The following CDC42SE2 variants were observed in gnomAD, a reference collection of about 807,000 sequenced individuals.
CDC42SE2 encodes CDC42 small effector protein 2.
Under a neutral mutation model 11.5 loss-of-function variants are expected in CDC42SE2, and 3 were observed. The ratio of observed to expected loss-of-function variants is 0.26; its 90% CI spans 0.12 to 0.67. The LOEUF (loss-of-function observed/expected upper bound fraction) is 0.67. CDC42SE2 is among the 30% of genes least tolerant of loss of function. CDC42SE2 has a pLI of 0.80. For synonymous variants in CDC42SE2, 33 were observed against 34.8 expected (o/e 0.95, Z 0.18); for missense variants, 82 against 106.8 (o/e 0.77, Z 1.02).
At chr5:131,373,679 C>T (rs955904131) in intron 3 of CDC42SE2, among the ~76,000 whole-genome samples, 3 of 151,914 alleles carry the variant, frequency 2.0e-5, no homozygotes, top group Non-Finnish European at 2.9e-5. Context: ...TAAAAGAACT[C>T]GGAAGAAATA....
chr5:131,394,049 T>C lies in CDC42SE2; in HGVS notation c.*2958T>C, dbSNP rs1388597266. 1 of 152,316 alleles carries C rather than the reference T, an allele frequency of 6.6e-6. No individual in the cohort carries two copies. Among genetic ancestry groups the C allele is most frequent in the Non-Finnish European group, 1.5e-5 (1 of 68,030 alleles). The allele number at this position is 152,316 out of a possible 1,614,324, so 9.4% of individuals were successfully genotyped here. ...ACAAAAAAAGATACGGTATTAACCT[T>C]GGACATAATTTTTTTTAGGGAGGCA... On this transcript the variant is annotated 3_prime_UTR_variant, in exon 5 of 5. Coordinates refer to ENST00000505065, the MANE Select transcript of CDC42SE2 (RefSeq NM_001375635.1).
intron 1 of CDC42SE2, among the ~76,000 whole-genome samples, chr5:131,286,902 C>G (rs1282733891): frequency 6.6e-6 from 1 of 151,752 alleles, no homozygotes; most frequent in African/African-American, 2.4e-5. Flanking sequence ...TCAAAAGTTA[C>G]TTGCAGATTT....
At position 131,299,609 on chromosome 5, in the gene CDC42SE2, A is replaced by G. The variant is rs560710413; in HGVS notation, c.-454-16367A>G. ...GTTCAGTAAAGTTTGAAGCAGAGGT[A>G]GCACATCCTGTGGAGCTGCACTACA... On this transcript the variant is annotated intron_variant, in intron 1 of 4. Coordinates refer to ENST00000505065, the MANE Select transcript of CDC42SE2 (RefSeq NM_001375635.1). Among the ~76,000 whole-genome samples the G allele has an allele frequency of 7.4e-4, 113 of 152,366 alleles. 1 individual carries two copies. The highest frequency in any genetic ancestry group is 2.1e-3 in the Admixed American group (32 of 15,308).
chr5:131,365,895 T>C (rs879741051), intron 3 of CDC42SE2, among the ~76,000 whole-genome samples: 20 of 152,146 alleles, frequency 1.3e-4, no homozygotes, highest in Admixed American at 1.1e-3. Context: ...GGCAGGAGAA[T>C]GGTGTGAACC....
chr5:131,283,675 T>G (rs1463991983), intron 1 of CDC42SE2, among the ~76,000 whole-genome samples: 1 of 152,030 alleles, frequency 6.6e-6, no homozygotes, highest in Non-Finnish European at 1.5e-5. Context: ...GTATTTTTAA[T>G]GGAGACGAGG....
the CDC42SE2 span, among the ~76,000 whole-genome samples, chr5:131,234,637 A>G: frequency 3.5e-5 from 5 of 144,208 alleles, no homozygotes; most frequent in East Asian, 9.7e-4. Flanking sequence ...CTCTGTCTCA[A>G]AAAAAAAAAA....
intron 2 of CDC42SE2, among the ~76,000 whole-genome samples, chr5:131,324,645 A>G (rs940057084): frequency 2.0e-5 from 3 of 152,030 alleles, no homozygotes; most frequent in South Asian, 2.1e-4. Context: ...TAAGACCAAT[A>G]CTTTCTTTGG....
intron 1 of CDC42SE2, among the ~76,000 whole-genome samples, chr5:131,249,075 T>C (rs1402199471): frequency 6.4e-4 from 93 of 146,358 alleles, no homozygotes; most frequent in Non-Finnish European, 7.4e-5. Context: ...TGGAGTGCAG[T>C]GGTGCAGTCT....
chr5:131,292,410 A>G (rs78623258), intron 1 of CDC42SE2, among the ~76,000 whole-genome samples: 24,894 of 150,132 alleles, frequency 0.17, 2,506 homozygotes, highest in East Asian at 0.42. Context: ...TCTACTAAAA[A>G]TACAAAAATT....
At chr5:131,228,523 G>C in the CDC42SE2 span, among the ~76,000 whole-genome samples, 1 of 152,162 alleles carries the variant, frequency 6.6e-6, no homozygotes, top group Admixed American at 6.5e-5. Context: ...GTTACTCAAG[G>C]CTCTGTTCCC....
chr5:131,383,285 A>G (rs1750377054), intron 3 of CDC42SE2, among the ~76,000 whole-genome samples: 1 of 152,234 alleles, frequency 6.6e-6, no homozygotes, highest in African/African-American at 2.4e-5. Flanking sequence ...GCATTGTGCT[A>G]GGAAATAGAA....
In CDC42SE2 at chr5:131,264,993, T is replaced by C. The variant is rs1203541331; in HGVS notation, c.-455+827T>C. Among the ~76,000 whole-genome samples the C allele has an allele frequency of 5.3e-5, 8 of 152,342 alleles. No homozygotes were observed. The South Asian group carries it at 1.2e-3, about 24-fold the overall frequency. ...GTTGAAGGGCCTGGCTTATAGTACGTGCTCAGTAAAGTATTTGTTGAATGA... is the reference window on the plus strand; with the variant it reads ...GTTGAAGGGCCTGGCTTATAGTACGCGCTCAGTAAAGTATTTGTTGAATGA... On this transcript the variant is annotated intron_variant, in intron 1 of 4. Coordinates refer to ENST00000505065, the MANE Select transcript of CDC42SE2 (RefSeq NM_001375635.1).
the CDC42SE2 span, among the ~76,000 whole-genome samples, chr5:131,210,910 C>T: frequency 2.6e-5 from 4 of 152,228 alleles, no homozygotes; most frequent in African/African-American, 9.6e-5. Flanking sequence ...GGGATCTCAG[C>T]TCACTGCAAC....
At chr5:131,360,278 G>A (rs367773907) in intron 3 of CDC42SE2, among the ~76,000 whole-genome samples, 21 of 152,010 alleles carry the variant, frequency 1.4e-4, no homozygotes, top group Admixed American at 1.2e-3. Context: ...GTGCCACCAC[G>A]CCTGGCTAAT....
intron 1 of CDC42SE2, among the ~76,000 whole-genome samples, chr5:131,289,148 T>G (rs1757399939): frequency 6.6e-6 from 1 of 152,202 alleles, no homozygotes; most frequent in Non-Finnish European, 1.5e-5. Context: ...TTTTACATAA[T>G]GTATTGACTA....
intron 3 of CDC42SE2, among the ~76,000 whole-genome samples, chr5:131,384,837 A>G (rs1449235350): frequency 1.3e-5 from 2 of 149,434 alleles, no homozygotes; most frequent in Non-Finnish European, 3.0e-5. Context: ...AATCCCAGCT[A>G]CTTGGGAGCT....
At chr5:131,330,213 C>T (rs1220014740) in intron 2 of CDC42SE2, among the ~76,000 whole-genome samples, 1 of 152,206 alleles carries the variant, frequency 6.6e-6, no homozygotes, top group East Asian at 1.9e-4. Context: ...TCCAGCATGA[C>T]GGTTTTAGGG....
At chr5:131,295,308 AC>A (rs1426765708) in intron 1 of CDC42SE2, among the ~76,000 whole-genome samples, 1 of 151,934 alleles carries the variant, frequency 6.6e-6, no homozygotes. Context: ...AAAACAAAAA[AC>A]CAAAACAACA....
Position 131,392,597 on chromosome 5 carries a change from A to ATATATT in CDC42SE2, c.*1510_*1515dup, listed in dbSNP as rs1442104106. 12 of 152,404 alleles carry ATATATT rather than the reference A, an allele frequency of 7.9e-5. No individual in the cohort carries two copies. Among genetic ancestry groups the ATATATT allele is most frequent in the African/African-American group, 2.2e-4 (9 of 41,554 alleles). The allele number at this position is 152,404 out of a possible 1,614,324, so 9.4% of individuals were successfully genotyped here. On this transcript the variant is annotated 3_prime_UTR_variant, in exon 5 of 5. Transcript: ENST00000505065. ...GCATTCATTCTGTTGTAAATGTTCA[A>ATATATT]TATATTTATTTTGAGAGCAAGGACC...
Sources: allele counts gnomAD v4.1 joint callset (sites outside exome capture counted in the v4.1 genomes callset), GRCh38; gene constraint gnomAD v4.1.1; transcripts MANE v1.5; gene names NCBI Gene and HGNC (gene_info 2026-07-23, HGNC 2026-07-21).